The following CDKAL1 variants were observed in gnomAD, a reference collection of about 807,000 sequenced individuals.
CDKAL1 encodes the protein CDKAL1 threonylcarbamoyladenosine tRNA methylthiotransferase, also known as threonylcarbamoyladenosine tRNA methylthiotransferase.
A neutral mutation model predicts 68.2 loss-of-function variants in CDKAL1; 32 were observed. The ratio of observed to expected loss-of-function variants is 0.47; its 90% CI spans 0.35 to 0.63. The LOEUF (loss-of-function observed/expected upper bound fraction) is 0.63. Among genes scored for constraint, CDKAL1 ranks in the 30% least tolerant of loss-of-function variants. The pLI, the probability that CDKAL1 is intolerant of heterozygous loss-of-function variation, is 0.00. For synonymous variants in CDKAL1, 234 were observed against 244.3 expected (o/e 0.96, Z 0.39); for missense variants, 606 against 696.7 (o/e 0.87, Z 1.47).
chr6:20,666,163 TAAACA>T (rs1421541951), intron 5 of CDKAL1, among the ~76,000 whole-genome samples: 1 of 152,050 alleles, frequency 6.6e-6, no homozygotes, highest in Non-Finnish European at 1.5e-5. Context: ...CCAAAGGGCA[TAAACA>T]GGCAATTTAT....
intron 4 of CDKAL1, among the ~76,000 whole-genome samples, chr6:20,646,283 C>T (rs1440601130): frequency 6.6e-6 from 1 of 151,620 alleles, no homozygotes; most frequent in Non-Finnish European, 1.5e-5. Flanking sequence ...TCTTGAACTG[C>T]TGACCTCGTG....
intron 9 of CDKAL1, among the ~76,000 whole-genome samples, chr6:20,867,217 C>A (rs1759957840): frequency 6.6e-6 from 1 of 152,094 alleles, no homozygotes; most frequent in Non-Finnish European, 1.5e-5. Context: ...AAATCTCTTA[C>A]AATTTTTTAG....
Position 20,955,565 on chromosome 6 carries a change from T to G in CDKAL1, c.889T>G (p.Tyr297Asp). The change falls in exon 10 of 16, where the codon TAT (tyrosine) becomes GAT (aspartate). Residue 297 changes from tyrosine to aspartate, a missense_variant. By Grantham distance (160) the Tyr-to-Asp change is radical. Coordinates refer to ENST00000274695, the MANE Select transcript of CDKAL1 (RefSeq NM_017774.3). ...MLRLGMTNPP[Y>D]ILEHLEEMAK... is the part of the protein sequence containing the mutation. The stretch of plus-strand genomic sequence containing the variant: ...GAGGCTTGGCATGACAAATCCGCCC[T>G]ATATTTTAGAGCATCTGGAGGTAAG... 6.2e-7 allele frequency: 1 copy of G among 1,614,136 alleles called. No individual in the cohort carries two copies. The highest frequency in any genetic ancestry group is 8.5e-7 in the Non-Finnish European group (1 of 1,179,998).
chr6:21,114,619 A>G (rs1360103151), intron 13 of CDKAL1, among the ~76,000 whole-genome samples: 1 of 151,750 alleles, frequency 6.6e-6, no homozygotes, highest in Non-Finnish European at 1.5e-5. Flanking sequence ...CTGTGTTTCC[A>G]GCTACTCGGG....
chr6:21,023,509 T>G (rs1204406813), intron 11 of CDKAL1, among the ~76,000 whole-genome samples: 1 of 152,216 alleles, frequency 6.6e-6, no homozygotes, highest in East Asian at 1.9e-4. Flanking sequence ...CTCAAGTCCT[T>G]TAAGTACATA....
At chr6:21,135,681 A>G (rs1775556488) in intron 13 of CDKAL1, 11 of 984,532 alleles carry the variant, frequency 1.1e-5, no homozygotes, top group Non-Finnish European at 1.2e-5. Context: ...TTTAAAATTA[A>G]GGACATTCAT....
intron 12 of CDKAL1, among the ~76,000 whole-genome samples, chr6:21,076,773 A>G (rs1002318311): frequency 6.6e-6 from 1 of 152,152 alleles, no homozygotes; most frequent in African/African-American, 2.4e-5. Context: ...CTATCTTGGC[A>G]TTCTTATTCT....
intron 10 of CDKAL1, among the ~76,000 whole-genome samples, chr6:20,957,093 T>TG (rs1764817340): frequency 6.6e-6 from 1 of 151,168 alleles, no homozygotes. Flanking sequence ...GCATACATCG[T>TG]GAAGACCAGG....
At chr6:21,151,327 C>T (rs796945623) in intron 13 of CDKAL1, among the ~76,000 whole-genome samples, 24 of 152,302 alleles carry the variant, frequency 1.6e-4, no homozygotes, top group African/African-American at 5.8e-4. Flanking sequence ...CCAGCCTCAG[C>T]GTGGCTGGAC....
chr6:21,136,583 A>G (rs968299094), intron 13 of CDKAL1, among the ~76,000 whole-genome samples: 8 of 152,226 alleles, frequency 5.3e-5, no homozygotes, highest in Non-Finnish European at 1.2e-4. Flanking sequence ...TCATGCCTGA[A>G]AAAGGTCTGG....
chr6:21,089,097 G>A (rs1389023329), intron 12 of CDKAL1, among the ~76,000 whole-genome samples: 2 of 152,234 alleles, frequency 1.3e-5, no homozygotes, highest in Admixed American at 1.3e-4. Flanking sequence ...ATTTTTAAAG[G>A]AATAAAGCAA....
At chr6:20,688,118 T>C (rs773864591) in intron 5 of CDKAL1, among the ~76,000 whole-genome samples, 27 of 152,178 alleles carry the variant, frequency 1.8e-4, no homozygotes, top group Admixed American at 2.6e-4. Context: ...AGCTAAGGGT[T>C]ATTCCCCCCT....
chr6:20,723,009 T>C (rs1772459544), intron 5 of CDKAL1, among the ~76,000 whole-genome samples: 2 of 152,306 alleles, frequency 1.3e-5, no homozygotes, highest in African/African-American at 4.8e-5. Flanking sequence ...GCTATCCATG[T>C]GACCTCATTC....
rs548058077 is a variant in CDKAL1, at chr6:20,659,384, G to T, written c.371+10007G>T. ...GTTTAAAATGTTAGTGGCAGATTCAGTGAATCATTGTGTGCTTTTACCAGT... is the reference window on the plus strand; with the variant it reads ...GTTTAAAATGTTAGTGGCAGATTCATTGAATCATTGTGTGCTTTTACCAGT... On this transcript the variant is annotated intron_variant, in intron 5 of 15. Coordinates refer to ENST00000274695, the MANE Select transcript of CDKAL1 (RefSeq NM_017774.3). Among the ~76,000 whole-genome samples the T allele has an allele frequency of 3.9e-4, 60 of 152,242 alleles. 1 individual carries two copies. The South Asian group carries it at 0.012, about 29-fold the overall frequency.
At chr6:20,646,945 A>G (rs551549791) in intron 4 of CDKAL1, among the ~76,000 whole-genome samples, 2 of 152,140 alleles carry the variant, frequency 1.3e-5, no homozygotes, top group East Asian at 3.9e-4. Flanking sequence ...GGGTTTCATC[A>G]TGTTGGCCAG....
chr6:21,080,342 A>T (rs114955885), intron 12 of CDKAL1, among the ~76,000 whole-genome samples: 115 of 152,276 alleles, frequency 7.6e-4, no homozygotes, highest in African/African-American at 2.6e-3. Context: ...TCAAGATCTC[A>T]TGAAAGAAAA....
At chr6:21,101,662 A>C (rs148317680) in intron 12 of CDKAL1, among the ~76,000 whole-genome samples, 5 of 152,132 alleles carry the variant, frequency 3.3e-5, no homozygotes, top group African/African-American at 9.6e-5. Flanking sequence ...TTTCTCTCCA[A>C]ATGTCTCACA....
chr6:20,878,654 C>T (rs12194583), intron 9 of CDKAL1, among the ~76,000 whole-genome samples: 27,461 of 151,668 alleles, frequency 0.18, 2,734 homozygotes, highest in Middle Eastern at 0.28. Context: ...GGCGCTTGAA[C>T]TCGGGGAGTG....
intron 5 of CDKAL1, among the ~76,000 whole-genome samples, chr6:20,687,160 T>C (rs1770665486): frequency 6.6e-6 from 1 of 152,162 alleles, no homozygotes; most frequent in Non-Finnish European, 1.5e-5. Context: ...GTTGTCTTTG[T>C]GTGGTTTTGG....
Sources: allele counts gnomAD v4.1 joint callset (sites outside exome capture counted in the v4.1 genomes callset), GRCh38; gene constraint gnomAD v4.1.1; transcripts MANE v1.5; gene names NCBI Gene and HGNC (gene_info 2026-07-23, HGNC 2026-07-21).